GRK5: variants seen among roughly 807,000 people sequenced by gnomAD.
The protein encoded by GRK5 is G protein-coupled receptor kinase 5, also known as g protein-coupled receptor kinase GRK5.
GRK5 carries 40 observed loss-of-function variants against 78.4 expected under a neutral mutation model. The observed-to-expected ratio is 0.51, with a 90% CI of 0.40 to 0.66. GRK5 has a LOEUF of 0.66. Among genes scored for constraint, GRK5 ranks in the 30% least tolerant of loss-of-function variants. The pLI, the probability that GRK5 is intolerant of heterozygous loss-of-function variation, is 0.00. For synonymous variants in GRK5, 289 were observed against 296.8 expected (o/e 0.97, Z 0.27); for missense variants, 598 against 759.9 (o/e 0.79, Z 2.50).
chr10:119,353,024 A>T (rs138213281), intron 2 of GRK5, among the ~76,000 whole-genome samples: 19 of 152,316 alleles, frequency 1.2e-4, no homozygotes, highest in African/African-American at 4.3e-4. Context: ...AGAAATATCA[A>T]AAGTTTGGAG....
At chr10:119,263,031 G>A (rs1431080393) in intron 1 of GRK5, among the ~76,000 whole-genome samples, 1 of 151,068 alleles carries the variant, frequency 6.6e-6, no homozygotes, top group Non-Finnish European at 1.5e-5. Context: ...TTTTTGAGAC[G>A]GAGTCTTGCT....
chr10:119,453,513 C>G (rs1332434441), intron 15 of GRK5, among the ~76,000 whole-genome samples: 1 of 152,212 alleles, frequency 6.6e-6, no homozygotes, highest in African/African-American at 2.4e-5. Flanking sequence ...GGTTTCTCCG[C>G]CTTGACACTG....
intron 1 of GRK5, among the ~76,000 whole-genome samples, chr10:119,296,845 A>G (rs1293631770): frequency 2.0e-5 from 3 of 152,222 alleles, no homozygotes; most frequent in African/African-American, 7.2e-5. Context: ...CGTTCTGTGG[A>G]CAGAGCCTAG....
intron 1 of GRK5, among the ~76,000 whole-genome samples, chr10:119,257,483 G>A (rs1031801692): frequency 2.6e-5 from 4 of 152,226 alleles, no homozygotes; most frequent in Admixed American, 2.6e-4. Flanking sequence ...CTCCACTTTG[G>A]AAGGCGGAGG....
intron 4 of GRK5, among the ~76,000 whole-genome samples, chr10:119,408,766 C>A (rs1013675672): frequency 1.1e-4 from 16 of 152,056 alleles, no homozygotes; most frequent in Admixed American, 8.5e-4. Flanking sequence ...ATTTTTGGAA[C>A]AAGATAGAGG....
chr10:119,231,729 A>C (rs987595785), intron 1 of GRK5, among the ~76,000 whole-genome samples: 1 of 151,898 alleles, frequency 6.6e-6, no homozygotes, highest in Non-Finnish European at 1.5e-5. Context: ...AAAAAGAAAA[A>C]AAACTCAACA....
intron 1 of GRK5, among the ~76,000 whole-genome samples, chr10:119,308,785 A>G (rs989424101): frequency 1.3e-5 from 2 of 152,190 alleles, no homozygotes; most frequent in Non-Finnish European, 2.9e-5. Flanking sequence ...TCCTGGTTCC[A>G]GGGGGCCAGG....
chr10:119,373,371 G>C (rs1489630090), intron 2 of GRK5, among the ~76,000 whole-genome samples: 2 of 152,174 alleles, frequency 1.3e-5, no homozygotes, highest in Non-Finnish European at 2.9e-5. Flanking sequence ...GGAGGGACCT[G>C]TTGGGAGGTA....
Position 119,452,711 on chromosome 10 carries a change from A to T in GRK5, c.1445A>T (p.Gln482Leu). ...VYCKDVLDIEQFSTVKGVNLD... is the reference protein window; with the variant it reads ...VYCKDVLDIELFSTVKGVNLD... ...TGTAAGGACGTGCTGGACATCGAGC[A>T]GTTCTCCACTGTGAAGGGCGTCAAT... The change falls in exon 14 of 16, where the codon CAG becomes CTG. Residue 482 changes from glutamine to leucine, a missense_variant. Coordinates refer to ENST00000392870, the MANE Select transcript of GRK5 (RefSeq NM_005308.3). The surrounding 1 kb of genome is among the most constrained non-coding windows in gnomAD (Gnocchi z 4.4). 1 of 1,614,154 alleles carries T rather than the reference A, an allele frequency of 6.2e-7. No homozygotes were observed. The highest frequency in any genetic ancestry group is 8.5e-7 in the Non-Finnish European group (1 of 1,180,014).
At chr10:119,361,075 ACGCAGATCCCAGCTCCTC>A (rs979096331) in intron 2 of GRK5, among the ~76,000 whole-genome samples, 1 of 152,168 alleles carries the variant, frequency 6.6e-6, no homozygotes, top group Non-Finnish European at 1.5e-5. Flanking sequence ...AAAGACCTGG[ACGCAGATCCCAGCTCCTC>A]CGCTGATGCA....
chr10:119,272,663 G>A (rs1849604076), intron 1 of GRK5, among the ~76,000 whole-genome samples: 1 of 151,916 alleles, frequency 6.6e-6, no homozygotes, highest in African/African-American at 2.4e-5. Context: ...CGAGCATTAA[G>A]TGTGCTAGTG....
chr10:119,335,408 G>C (rs7918145), intron 2 of GRK5, among the ~76,000 whole-genome samples: 4 of 152,034 alleles, frequency 2.6e-5, no homozygotes, highest in African/African-American at 9.6e-5. Flanking sequence ...CTGTCCCCCA[G>C]GCTGGAGTGC....
At chr10:119,228,447 TAA>T (rs3064441) in intron 1 of GRK5, among the ~76,000 whole-genome samples, 24,538 of 139,846 alleles carry the variant, frequency 0.18, 2,331 homozygotes, top group African/African-American at 0.29. Context: ...ACCCAATCTC[TAA>T]AAAAAAAAAA....
At chr10:119,375,402 T>A (rs536182457) in intron 2 of GRK5, among the ~76,000 whole-genome samples, 1 of 152,166 alleles carries the variant, frequency 6.6e-6, no homozygotes, top group Non-Finnish European at 1.5e-5. Context: ...TCCCATATTC[T>A]AGTGTGCTCT....
chr10:119,265,931 T>C (rs1849488762), intron 1 of GRK5, among the ~76,000 whole-genome samples: 1 of 152,162 alleles, frequency 6.6e-6, no homozygotes, highest in African/African-American at 2.4e-5. Flanking sequence ...CTGCGTTGGG[T>C]CCTGCTGTCA....
chr10:119,307,088 T>C (rs1045119690), intron 1 of GRK5, among the ~76,000 whole-genome samples: 1 of 152,100 alleles, frequency 6.6e-6, no homozygotes, highest in Non-Finnish European at 1.5e-5. Flanking sequence ...CCTTATTCAC[T>C]GAACTTTCTT....
At chr10:119,354,909 C>T (rs1851243111) in intron 2 of GRK5, among the ~76,000 whole-genome samples, 1 of 152,134 alleles carries the variant, frequency 6.6e-6, no homozygotes, top group Non-Finnish European at 1.5e-5. Flanking sequence ...GTTGAGAATG[C>T]ATGGATTTTG....
intron 3 of GRK5, among the ~76,000 whole-genome samples, chr10:119,393,561 C>T (rs781519919): frequency 6.6e-6 from 1 of 152,210 alleles, no homozygotes; most frequent in Non-Finnish European, 1.5e-5. Flanking sequence ...TTGCCCAGGG[C>T]CTGCGTCCTG....
chr10:119,415,105 A>G lies in GRK5; in HGVS notation c.340-8061A>G, dbSNP rs548579825. On this transcript the variant is annotated intron_variant, in intron 4 of 15. Transcript: ENST00000392870. ...TCAAAAAAAAAAAAAAAAAAAAAAG[A>G]AAAAGAAAAAAGAAATGGCAGTGAT... 2.9e-4 allele frequency among the ~76,000 whole-genome samples: 43 copies of G among 146,676 alleles called. 1 individual carries two copies. The South Asian group carries it at 9.3e-3, about 32-fold the overall frequency.
Sources: allele counts gnomAD v4.1 joint callset (sites outside exome capture counted in the v4.1 genomes callset), GRCh38; gene constraint gnomAD v4.1.1; non-coding constraint Gnocchi (gnomAD v3.1); transcripts MANE v1.5; gene names NCBI Gene and HGNC (gene_info 2026-07-23, HGNC 2026-07-21).